Variants in SPEF2 observed in about 807,000 individuals in gnomAD.
SPEF2 encodes the protein sperm flagellar and cilia associated 2.
Under a neutral mutation model 224.6 loss-of-function variants are expected in SPEF2, and 187 were observed. The ratio of observed to expected loss-of-function variants is 0.83; its 90% confidence interval spans 0.74 to 0.94. The LOEUF is 0.94. Ranked by LOEUF, SPEF2 falls within the 40% of genes least tolerant of loss-of-function variation. The probability of loss-of-function intolerance (pLI) is 0.00; values close to 1 mark genes in which losing one functional copy is unlikely to be tolerated. For missense variants in SPEF2, 2,170 were observed against 2,135.6 expected, an observed-to-expected ratio of 1.02 and a Z score of -0.32; for synonymous variants, 715 against 707.3, an observed-to-expected ratio of 1.01 and a Z score of -0.17.
intron 8 of SPEF2, among the ~76,000 whole-genome samples, chr5:35,664,751 AG>A (rs1750223656): frequency 7.1e-6 from 1 of 141,506 alleles, no homozygotes; most frequent in Non-Finnish European, 1.5e-5. Flanking sequence ...AGAGAGAGAG[AG>A]GAAGGAAGGA....
At chr5:35,769,893 T>A (rs1752555165) in intron 26 of SPEF2, among the ~76,000 whole-genome samples, 1 of 152,096 alleles carries the variant, frequency 6.6e-6, no homozygotes, top group East Asian at 1.9e-4. Context: ...CCAGAAATTA[T>A]AAATAATTAA....
intron 21 of SPEF2, among the ~76,000 whole-genome samples, chr5:35,737,598 T>A (rs1746838661): frequency 1.3e-5 from 2 of 152,168 alleles, no homozygotes; most frequent in Non-Finnish European, 2.9e-5. Context: ...AAAATTTTCT[T>A]AATCCAGTCT....
At chr5:35,740,315 C>G in intron 23 of SPEF2, 48 bp downstream of exon 23, 1 of 1,605,002 alleles carries the variant, frequency 6.2e-7, no homozygotes, top group Non-Finnish European at 8.5e-7. Context: ...GCTTTCATAT[C>G]TTGTCCTGCA....
chr5:35,694,838 A>G (rs1437152071), intron 13 of SPEF2, among the ~76,000 whole-genome samples: 1 of 152,238 alleles, frequency 6.6e-6, no homozygotes, highest in Non-Finnish European at 1.5e-5. Flanking sequence ...CACTACCAAT[A>G]CAACTAAGTT....
chr5:35,756,161 C>T (rs1750406241), intron 24 of SPEF2, among the ~76,000 whole-genome samples: 1 of 152,156 alleles, frequency 6.6e-6, no homozygotes, highest in Non-Finnish European at 1.5e-5. Flanking sequence ...TTCTGTCTCG[C>T]TCAGAATGTG....
rs776893616 is a variant in SPEF2, at chr5:35,659,011, G to A, written c.979-8G>A. 2.0e-6 allele frequency: 3 copies of A among 1,527,528 alleles called. No homozygotes were observed. In the East Asian group the frequency reaches 7.1e-5, roughly 36 times the overall value. The allele number at this position is 1,527,528 out of a possible 1,614,324, so 94.6% of individuals were successfully genotyped here. On this transcript the variant is annotated splice_polypyrimidine_tract_variant and splice_region_variant and intron_variant, in intron 7 of 36. Coordinates refer to ENST00000356031, the MANE Select transcript of SPEF2 (RefSeq NM_024867.4). ...CACTTTAACAAATAATTCCCCTGGTGTTTTCAGGAGGCTTATCGGGAGGAA... is the reference window on the plus strand; with the variant it reads ...CACTTTAACAAATAATTCCCCTGGTATTTTCAGGAGGCTTATCGGGAGGAA...
chr5:35,727,971 T>C lies in SPEF2; in HGVS notation c.3063+148T>C, dbSNP rs1744965914. ...GAGATTTTTTTTAGAGACTACTCAA[T>C]GACCCATATCTCATCCTTTCTCCTA... On this transcript the variant is annotated intron_variant, in intron 21 of 36. Coordinates refer to ENST00000356031, the MANE Select transcript of SPEF2 (RefSeq NM_024867.4). The C allele has an allele frequency of 3.9e-6, 3 of 769,096 alleles. No homozygotes were observed. In the South Asian group the frequency reaches 6.3e-5, roughly 16 times the overall value. The allele number at this position is 769,096 out of a possible 1,614,324, so 47.6% of individuals were successfully genotyped here.
At chr5:35,787,833 T>C in intron 30 of SPEF2, 1 of 546,084 alleles carries the variant, frequency 1.8e-6, no homozygotes, top group Non-Finnish European at 3.2e-6. Context: ...AAATTGGGAT[T>C]ACTTAAAATA....
rs116661886 is a variant in SPEF2 at position 35,710,097 on chromosome 5, A to C, written c.2839+976A>C. ...ATTCTGCTCCAGGAAATTAGAAATT[A>C]ACTACAGGCAAAATACACACATCCT... On this transcript the variant is annotated intron_variant, in intron 19 of 36. Coordinates refer to ENST00000356031, the MANE Select transcript of SPEF2 (RefSeq NM_024867.4). The C allele has an allele frequency of 1.7e-3, 1,675 of 985,312 alleles. 20 individuals are homozygous for C. In the African/African-American group the frequency reaches 0.028, roughly 16 times the overall value. 61.0% of individuals were successfully genotyped at this position (985,312 alleles called of 1,614,324 possible).
At chr5:35,688,543 C>A (rs1340200872) in intron 10 of SPEF2, among the ~76,000 whole-genome samples, 1 of 152,052 alleles carries the variant, frequency 6.6e-6, no homozygotes, top group African/African-American at 2.4e-5. Context: ...CCTATTAATG[C>A]ATATAGTACA....
At chr5:35,709,156 GT>G (rs2149591075) in intron 19 of SPEF2, 35 bp downstream of exon 19, 1 of 1,596,758 alleles carries the variant, frequency 6.3e-7, no homozygotes, top group Non-Finnish European at 8.5e-7. Context: ...CCTGTTTTCA[GT>G]TTCTTATTTT....
intron 20 of SPEF2, among the ~76,000 whole-genome samples, chr5:35,722,784 T>A (rs1743959494): frequency 6.6e-6 from 1 of 151,428 alleles, no homozygotes; most frequent in African/African-American, 2.4e-5. Flanking sequence ...TGATTTCCAA[T>A]TTCATCCATG....
intron 1 of SPEF2, among the ~76,000 whole-genome samples, chr5:35,622,193 C>T (rs755390413): frequency 2.6e-4 from 40 of 151,676 alleles, no homozygotes; most frequent in Non-Finnish European, 1.9e-4. Context: ...TTAATCTTTT[C>T]GTTTTATATT....
intron 34 of SPEF2, among the ~76,000 whole-genome samples, chr5:35,801,775 TC>T (rs1358661468): frequency 6.6e-6 from 1 of 152,100 alleles, no homozygotes; most frequent in Non-Finnish European, 1.5e-5. Context: ...AAGATACTCC[TC>T]ACCTGGCAAT....
intron 25 of SPEF2, among the ~76,000 whole-genome samples, chr5:35,762,991 C>G (rs924145573): frequency 1.3e-5 from 2 of 152,208 alleles, no homozygotes; most frequent in African/African-American, 4.8e-5. Flanking sequence ...TACCCCCTTT[C>G]AGACCTCACA....
chr5:35,645,456 T>C (rs1747234948), intron 4 of SPEF2, among the ~76,000 whole-genome samples: 1 of 152,158 alleles, frequency 6.6e-6, no homozygotes, highest in Admixed American at 6.6e-5. Flanking sequence ...GAATTGAACG[T>C]TTTTGTAGCT....
At chr5:35,643,041 A>G (rs1270354436) in intron 3 of SPEF2, among the ~76,000 whole-genome samples, 1 of 152,184 alleles carries the variant, frequency 6.6e-6, no homozygotes, top group Non-Finnish European at 1.5e-5. Flanking sequence ...TACCTGCCTC[A>G]GTGTTCAGAA....
At chr5:35,805,025 G>T (rs1757890043) in intron 34 of SPEF2, among the ~76,000 whole-genome samples, 1 of 152,112 alleles carries the variant, frequency 6.6e-6, no homozygotes, top group South Asian at 2.1e-4. Context: ...ATTATTGATG[G>T]GTAGCCAATG....
chr5:35,733,735 T>C (rs1372804364), intron 21 of SPEF2, among the ~76,000 whole-genome samples: 2 of 151,954 alleles, frequency 1.3e-5, no homozygotes, highest in East Asian at 1.9e-4. Context: ...GAAAGTAACA[T>C]GTTGGAATAA....
Sources: allele counts gnomAD v4.1 joint callset (sites outside exome capture counted in the v4.1 genomes callset), GRCh38; gene constraint gnomAD v4.1.1; transcripts MANE v1.5; gene names NCBI Gene and HGNC (gene_info 2026-07-23, HGNC 2026-07-21).